FARS2: variants seen among roughly 807,000 people sequenced by gnomAD.
FARS2 encodes the protein phenylalanine--tRNA ligase, mitochondrial.
In FARS2, 40 loss-of-function variants were observed where a neutral mutation model predicts 46.4. The observed-to-expected ratio is 0.86, with a 90% CI of 0.67 to 1.12. The LOEUF is 1.12. FARS2 is among the 50% of genes most tolerant of loss of function. The pLI is 0.00. For missense variants in FARS2, 513 were observed against 567.9 expected (o/e 0.90, Z 0.98); for synonymous variants, 234 against 214.9 (o/e 1.09, Z -0.78).
intron 6 of FARS2, among the ~76,000 whole-genome samples, chr6:5,761,903 G>A (rs945583939): frequency 6.6e-6 from 1 of 152,100 alleles, no homozygotes; most frequent in African/African-American, 2.4e-5. Context: ...ATCCAGGGAG[G>A]GCAGAAACCA....
In FARS2 at chr6:5,580,591, C is replaced by T. The variant is rs183962924; in HGVS notation, c.1066-32578C>T. ...CAGCCACATTTGCCTCAGTTTCTCT[C>T]TGTAAAGTGGGTATAATGCCTCCCT... is the stretch of plus-strand genomic sequence containing the variant. On this transcript the variant is annotated intron_variant, in intron 5 of 6. Coordinates refer to ENST00000274680, the MANE Select transcript of FARS2 (RefSeq NM_006567.5). Among the ~76,000 whole-genome samples, 307 of 152,260 alleles carry T rather than the reference C, an allele frequency of 2.0e-3. 1 individual carries two copies. The highest frequency in any genetic ancestry group is 7.0e-3 in the African/African-American group (289 of 41,552).
chr6:5,363,317 G>A (rs1364643694), intron 1 of FARS2, among the ~76,000 whole-genome samples: 2 of 152,022 alleles, frequency 1.3e-5, no homozygotes, highest in African/African-American at 4.8e-5. Flanking sequence ...CCAGATACAT[G>A]GCTTGTAAAT....
chr6:5,473,620 A>G (rs754652592), intron 4 of FARS2, among the ~76,000 whole-genome samples: 2 of 151,474 alleles, frequency 1.3e-5, no homozygotes, highest in African/African-American at 2.4e-5. Context: ...ACATTGAATT[A>G]TATTTACATA....
At chr6:5,513,057 G>A (rs1019138682) in intron 4 of FARS2, among the ~76,000 whole-genome samples, 4 of 152,150 alleles carry the variant, frequency 2.6e-5, no homozygotes, top group Non-Finnish European at 5.9e-5. Context: ...ATGGCAGGCT[G>A]GAAAACCTGA....
chr6:5,309,828 T>A (rs1362000698), intron 1 of FARS2, among the ~76,000 whole-genome samples: 1 of 152,184 alleles, frequency 6.6e-6, no homozygotes, highest in Non-Finnish European at 1.5e-5. Flanking sequence ...GCTCTTGTTG[T>A]GCAGAGGAAT....
At chr6:5,446,793 C>A (rs1764210562) in intron 4 of FARS2, among the ~76,000 whole-genome samples, 1 of 152,092 alleles carries the variant, frequency 6.6e-6, no homozygotes, top group Non-Finnish European at 1.5e-5. Context: ...AATATGGTTA[C>A]TCTAGGGGAA....
chr6:5,692,474 A>G (rs1461052774), intron 6 of FARS2, among the ~76,000 whole-genome samples: 2 of 152,124 alleles, frequency 1.3e-5, no homozygotes, highest in Non-Finnish European at 2.9e-5. Context: ...CCATCAAAAC[A>G]TTGGCTAAGT....
chr6:5,455,492 CAGAG>C (rs1376830446), intron 4 of FARS2, among the ~76,000 whole-genome samples: 6 of 152,146 alleles, frequency 3.9e-5, no homozygotes, highest in African/African-American at 9.7e-5. Flanking sequence ...TGTAAATGCA[CAGAG>C]AGAGAGTGTT....
At chr6:5,569,193 A>T (rs775779400) in intron 5 of FARS2, among the ~76,000 whole-genome samples, 1 of 151,386 alleles carries the variant, frequency 6.6e-6, no homozygotes, top group Non-Finnish European at 1.5e-5. Flanking sequence ...GGTCTGGAGA[A>T]GAAGATGATG....
chr6:5,760,429 G>T (rs1349365611), intron 6 of FARS2, among the ~76,000 whole-genome samples: 2 of 152,010 alleles, frequency 1.3e-5, no homozygotes, highest in African/African-American at 4.8e-5. Context: ...TCTCTTATTT[G>T]CCAGGAATGA....
intron 1 of FARS2, among the ~76,000 whole-genome samples, chr6:5,353,023 G>C (rs901548047): frequency 6.6e-6 from 1 of 152,028 alleles, no homozygotes; most frequent in Non-Finnish European, 1.5e-5. Context: ...TATTTTTCCT[G>C]TCTGTGGCCC....
At chr6:5,283,013 G>C (rs528848911) in intron 1 of FARS2, among the ~76,000 whole-genome samples, 1 of 151,944 alleles carries the variant, frequency 6.6e-6, no homozygotes, top group East Asian at 2.0e-4. Context: ...GAGGCAGGTG[G>C]ATCATTTGAG....
intron 2 of FARS2, among the ~76,000 whole-genome samples, chr6:5,391,497 A>G (rs1001245185): frequency 1.3e-5 from 2 of 151,748 alleles, no homozygotes; most frequent in Admixed American, 1.3e-4. Flanking sequence ...ACAGGAACTC[A>G]GAGTCAGGAT....
intron 5 of FARS2, among the ~76,000 whole-genome samples, chr6:5,583,021 G>C (rs1177430317): frequency 6.6e-6 from 1 of 152,166 alleles, no homozygotes; most frequent in Non-Finnish European, 1.5e-5. Context: ...CTGTGGTGGT[G>C]TGTCTGATGA....
intron 5 of FARS2, among the ~76,000 whole-genome samples, chr6:5,599,650 G>GT (rs1361948962): frequency 6.6e-6 from 1 of 152,194 alleles, no homozygotes; most frequent in African/African-American, 2.4e-5. Context: ...ATTCAGTGGT[G>GT]TTTTTTAGTA....
At chr6:5,401,653 T>A (rs1399557402) in intron 2 of FARS2, among the ~76,000 whole-genome samples, 1 of 127,340 alleles carries the variant, frequency 7.9e-6, no homozygotes, top group Admixed American at 7.5e-5. Context: ...AAAGAGCTCA[T>A]TAATGTGACA....
At chr6:5,380,664 T>C (rs140238599) in intron 2 of FARS2, among the ~76,000 whole-genome samples, 1,565 of 152,262 alleles carry the variant, frequency 0.01, 20 homozygotes, top group South Asian at 0.043. Flanking sequence ...CCCAGTCTAC[T>C]CACAAATGTA....
chr6:5,581,599 A>T (rs1442023074), intron 5 of FARS2, among the ~76,000 whole-genome samples: 1 of 152,098 alleles, frequency 6.6e-6, no homozygotes, highest in South Asian at 2.1e-4. Flanking sequence ...CTTTGTTGAA[A>T]CTGCTGTTAA....
chr6:5,266,442 G>A (rs1486897999), intron 1 of FARS2, among the ~76,000 whole-genome samples: 2 of 151,968 alleles, frequency 1.3e-5, no homozygotes, highest in East Asian at 1.9e-4. Flanking sequence ...GAGGCAGGAG[G>A]ATCACTTGAG....
Sources: allele counts gnomAD v4.1 joint callset (sites outside exome capture counted in the v4.1 genomes callset), GRCh38; gene constraint gnomAD v4.1.1; transcripts MANE v1.5; gene names NCBI Gene and HGNC (gene_info 2026-07-23, HGNC 2026-07-21).